The following GOSR2 variants were observed in gnomAD, a reference collection of about 807,000 sequenced individuals.
GOSR2 encodes the protein 27 kDa Golgi SNARE protein.
GOSR2 carries 20 observed loss-of-function variants against 27.9 expected under a neutral mutation model. The ratio of observed to expected loss-of-function variants is 0.72; its 90% CI spans 0.50 to 1.04. The LOEUF (loss-of-function observed/expected upper bound fraction) is 1.04, where lower values mean the gene tolerates loss of function less well. Ranked by LOEUF, GOSR2 falls within the 50% of genes least tolerant of loss-of-function variation. GOSR2 has a pLI of 0.00. For missense variants in GOSR2, 261 were observed against 270.5 expected (o/e 0.97, Z 0.25); for synonymous variants, 91 against 98.8 (o/e 0.92, Z 0.47).
At chr17:46,953,347 T>C (rs987372478) in intron 6 of GOSR2, among the ~76,000 whole-genome samples, 3 of 152,222 alleles carry the variant, frequency 2.0e-5, no homozygotes, top group South Asian at 2.1e-4. Context: ...GGTTTCCAGC[T>C]TCATCCATGT....
In GOSR2 at chr17:46,941,468, C is replaced by T. The variant is rs2089267317; in HGVS notation, c.*2708C>T. 3 of 976,970 alleles carry T rather than the reference C, an allele frequency of 3.1e-6. No individual in the cohort carries two copies. Among genetic ancestry groups the T allele is most frequent in the Middle Eastern group, 5.2e-4 (1 of 1,934 alleles). The allele number at this position is 976,970 out of a possible 1,614,324, so 60.5% of individuals were successfully genotyped here. Reference sequence around the variant, plus strand: ...TCAAACACTGCTCCATGGCCAGGGGCTGGGCTGGCTGCTTCAGAAGCAGTG... The same window carrying T: ...TCAAACACTGCTCCATGGCCAGGGGTTGGGCTGGCTGCTTCAGAAGCAGTG... On this transcript the variant is annotated 3_prime_UTR_variant, in exon 6 of 6. Coordinates refer to ENST00000640051, the MANE Select transcript of GOSR2 (RefSeq NM_004287.5).
At chr17:46,974,982 ATTTTCTTT>A (rs1555726072) in intron 6 of GOSR2, among the ~76,000 whole-genome samples, 1 of 69,814 alleles carries the variant, frequency 1.4e-5, no homozygotes, top group African/African-American at 5.1e-5. Context: ...ATGAATTACT[ATTTTCTTT>A]TTTTTTTTTT....
At chr17:46,936,979 A>G (rs79978865) in intron 5 of GOSR2, 9 of 241,976 alleles carry the variant, frequency 3.7e-5, no homozygotes, top group Non-Finnish European at 6.0e-5. Context: ...AAAAAAAAAA[A>G]AGGATATGGG....
intron 6 of GOSR2, among the ~76,000 whole-genome samples, chr17:46,958,143 G>A (rs938721079): frequency 1.3e-5 from 2 of 152,190 alleles, no homozygotes; most frequent in African/African-American, 2.4e-5. Flanking sequence ...GCAGCAACTG[G>A]CCAGGGGGCC....
intron 1 of GOSR2, among the ~76,000 whole-genome samples, chr17:46,927,930 TCA>T (rs746486252): frequency 2.6e-5 from 4 of 152,152 alleles, no homozygotes; most frequent in Non-Finnish European, 5.9e-5. Context: ...AAAATTTACC[TCA>T]CAGCCTGCGT....
intron 1 of GOSR2, among the ~76,000 whole-genome samples, chr17:46,926,560 T>G (rs2086530960): frequency 6.6e-6 from 1 of 152,182 alleles, no homozygotes; most frequent in Non-Finnish European, 1.5e-5. Context: ...GGCTAAGACT[T>G]CTTTTTCCTC....
chr17:46,932,320 A>G (rs769662572), intron 4 of GOSR2, 121 bp downstream of exon 4: 6 of 1,123,678 alleles, frequency 5.3e-6, no homozygotes, highest in Non-Finnish European at 8.0e-6. Flanking sequence ...GAGGAAACCA[A>G]CTGGAAATGA....
At chr17:46,943,354 G>C (rs973218830), downstream of GOSR2, among the ~76,000 whole-genome samples, 1 of 152,128 alleles carries the variant, frequency 6.6e-6, no homozygotes, top group Admixed American at 6.5e-5. Context: ...CTGCAGTGCA[G>C]CCCCCAGCCC....
At chr17:46,943,229 C>A, downstream of GOSR2, among the ~76,000 whole-genome samples, 1 of 152,160 alleles carries the variant, frequency 6.6e-6, no homozygotes, top group Non-Finnish European at 1.5e-5. Flanking sequence ...AAGCCTGATT[C>A]TCCCTCTGGA....
chr17:46,923,529 A>C (rs988700582), intron 1 of GOSR2: 1 of 1,347,682 alleles, frequency 7.4e-7, no homozygotes, highest in Non-Finnish European at 9.5e-7. Flanking sequence ...TTTGTCCAGC[A>C]CTTGTCAACT....
At chr17:46,936,839 A>G (rs566879347) in intron 5 of GOSR2, 43 of 984,822 alleles carry the variant, frequency 4.4e-5, no homozygotes, top group African/African-American at 2.8e-4. Context: ...TTGACTTGTA[A>G]TTTCTCTGGC....
At chr17:46,938,335 A>T (rs1029521450) in intron 5 of GOSR2, among the ~76,000 whole-genome samples, 2 of 152,244 alleles carry the variant, frequency 1.3e-5, no homozygotes, top group African/African-American at 2.4e-5. Context: ...TATAAAATAC[A>T]TACCTGTGAT....
intron 6 of GOSR2, among the ~76,000 whole-genome samples, chr17:46,959,299 AG>A (rs894590891): frequency 1.3e-5 from 2 of 152,220 alleles, no homozygotes; most frequent in African/African-American, 4.8e-5. Context: ...AAAAAGGAAA[AG>A]CATTCTGCTT....
intron 6 of GOSR2, among the ~76,000 whole-genome samples, chr17:46,954,464 C>T (rs4602097): frequency 0.45 from 67,886 of 152,040 alleles, 15,374 homozygotes; most frequent in South Asian, 0.52. Context: ...TGAAATCAGG[C>T]AGTGTGATGC....
chr17:46,931,309 GTTGAAAA>G, intron 3 of GOSR2, 102 bp downstream of exon 3: 1 of 736,462 alleles, frequency 1.4e-6, no homozygotes, highest in Non-Finnish European at 2.5e-6. Context: ...CAACGTACAT[GTTGAAAA>G]ACTATGACTA....
intron 6 of GOSR2, chr17:46,955,374 T>A (rs1356037783): frequency 2.0e-5 from 3 of 152,004 alleles, no homozygotes; most frequent in African/African-American, 7.2e-5. Flanking sequence ...GCCCACTTGA[T>A]CATGGTGGAT....
chr17:46,928,741 C>G (rs892622421), intron 1 of GOSR2, among the ~76,000 whole-genome samples: 3 of 152,180 alleles, frequency 2.0e-5, no homozygotes, highest in African/African-American at 7.2e-5. Flanking sequence ...ATCCTCTCCC[C>G]CAACCCGATT....
chr17:46,949,626 G>A (rs2090178558), intron 6 of GOSR2, among the ~76,000 whole-genome samples: 1 of 152,180 alleles, frequency 6.6e-6, no homozygotes, highest in South Asian at 2.1e-4. Context: ...AGACATACAT[G>A]AGCATGCAGC....
intron 6 of GOSR2, among the ~76,000 whole-genome samples, chr17:46,962,604 C>T (rs1179755140): frequency 6.6e-6 from 1 of 152,174 alleles, no homozygotes; most frequent in African/African-American, 2.4e-5. Context: ...TGTGGAGAAG[C>T]CACATGGAGG....
Sources: gnomAD v4.1 joint callset for allele counts (sites outside exome capture counted in the v4.1 genomes callset) on GRCh38, gnomAD v4.1.1 for gene constraint, MANE v1.5 for transcripts, NCBI Gene and HGNC (gene_info 2026-07-23, HGNC 2026-07-21) for gene names.